ONECUT3: variants seen among roughly 807,000 people sequenced by gnomAD.
ONECUT3 encodes the protein one cut domain family member 3.
A neutral mutation model predicts 16.8 loss-of-function variants in ONECUT3; 11 were observed. The observed-to-expected ratio is 0.66, with a 90% CI of 0.41 to 1.09. The LOEUF is 1.09. Ranked by LOEUF, ONECUT3 falls within the 50% of genes least tolerant of loss-of-function variation. ONECUT3 has a pLI of 0.00. For synonymous variants in ONECUT3, 344 were observed against 310.7 expected, an observed-to-expected ratio of 1.11 and a Z score of -1.13; for missense variants, 637 against 629.9, an observed-to-expected ratio of 1.01 and a Z score of -0.12.
At chr19:1,763,713 C>A (rs1410136344) in intron 1 of ONECUT3, among the ~76,000 whole-genome samples, 1 of 146,780 alleles carries the variant, frequency 6.8e-6, no homozygotes, top group African/African-American at 2.5e-5. Context: ...GGGATAAATT[C>A]TTTTTATTTC....
Position 1,777,271 on chromosome 19 carries a change from AC to A in ONECUT3, c.*1833del. 2 of 150,300 alleles carry A rather than the reference AC, an allele frequency of 1.3e-5. No individual in the cohort carries two copies. Among genetic ancestry groups the A allele is most frequent in the Non-Finnish European group, 3.0e-5 (2 of 67,314 alleles). 9.3% of individuals were successfully genotyped at this position (150,300 alleles called of 1,614,324 possible). On this transcript the variant is annotated 3_prime_UTR_variant, in exon 2 of 2. Transcript: ENST00000382349. ...TTCCTGCTCAGCACCGCACCTCTCTACCCCCCCACAGACACACATGCAGACA... is the reference window on the plus strand; with the variant it reads ...TTCCTGCTCAGCACCGCACCTCTCTACCCCCCACAGACACACATGCAGACA...
At chr19:1,767,169 G>A (rs1443921335) in intron 1 of ONECUT3, among the ~76,000 whole-genome samples, 7 of 152,160 alleles carry the variant, frequency 4.6e-5, no homozygotes, top group Admixed American at 4.6e-4. Context: ...CCTTCCTTGA[G>A]GGAGGGGGAA....
rs1250378189 is a variant in ONECUT3 at position 1,777,397 on chromosome 19, G to GGCACACAT, written c.*1964_*1971dup. 2 of 151,486 alleles carry GGCACACAT rather than the reference G, an allele frequency of 1.3e-5. No homozygotes were observed. Among genetic ancestry groups the GGCACACAT allele is most frequent in the African/African-American group, 4.9e-5 (2 of 40,750 alleles). 9.4% of individuals were successfully genotyped at this position (151,486 alleles called of 1,614,324 possible). ...ACATGCAGAGACATGCAGACACGCA[G>GGCACACAT]GCACACATGCACACATGCAAAGACA... On this transcript the variant is annotated 3_prime_UTR_variant, in exon 2 of 2. Transcript: ENST00000382349.
chr19:1,772,505 ACT>A (rs994396368), intron 1 of ONECUT3, among the ~76,000 whole-genome samples: 32 of 149,886 alleles, frequency 2.1e-4, no homozygotes, highest in Non-Finnish European at 3.9e-4. Flanking sequence ...TAAACTGGAA[ACT>A]CATCTTTCAA....
rs977377263 is a variant in ONECUT3, at chr19:1,766,727, G to T, written c.1193-8426G>T. Reference sequence around the variant, plus strand: ...TACTGGCTTCCTGCTGAGGGCACTCGGGGAGCCCCACTGTCCCACCCGGCG... The same window carrying T: ...TACTGGCTTCCTGCTGAGGGCACTCTGGGAGCCCCACTGTCCCACCCGGCG... On this transcript the variant is annotated intron_variant, in intron 1 of 1. Transcript: ENST00000382349. The surrounding 1 kb of genome is among the most constrained non-coding windows in gnomAD (Gnocchi z 4.0). 6.6e-6 allele frequency among the ~76,000 whole-genome samples: 1 copy of T among 151,974 alleles called. No homozygotes were observed. Among genetic ancestry groups the T allele is most frequent in the African/African-American group, 2.4e-5 (1 of 41,382 alleles).
Position 1,766,526 on chromosome 19 carries a change from G to A in ONECUT3, c.1193-8627G>A, listed in dbSNP as rs1409819455. Among the ~76,000 whole-genome samples, 1 of 151,504 alleles carries A rather than the reference G, an allele frequency of 6.6e-6. No individual in the cohort carries two copies. Among genetic ancestry groups the A allele is most frequent in the Non-Finnish European group, 1.5e-5 (1 of 67,830 alleles). On this transcript the variant is annotated intron_variant, in intron 1 of 1. Coordinates refer to ENST00000382349, the MANE Select transcript of ONECUT3 (RefSeq NM_001080488.2). This position sits in a 1 kb window ranked among gnomAD's most constrained non-coding sequence, Gnocchi z 4.0. ...GAGGGGAGGGAGGTAAAGAGAGGGA[G>A]GGAAGGAAAGGGAGGAAAAGAAAAG...
In ONECUT3 at chr19:1,764,827, C is replaced by CA. The variant is rs573109273; in HGVS notation, c.1192+9974dup. Among the ~76,000 whole-genome samples the CA allele has an allele frequency of 3.4e-5, 5 of 146,494 alleles. No individual in the cohort carries two copies. In the South Asian group the frequency reaches 1.1e-3, roughly 32 times the overall value. On this transcript the variant is annotated intron_variant, in intron 1 of 1. Transcript: ENST00000382349. This position sits in a 1 kb window ranked among gnomAD's most constrained non-coding sequence, Gnocchi z 5.0. ...GGGGGGATGCGCAGGGGGGACAAGACACCAGCATGGGGGTGGGGGGCATCA... is the reference window on the plus strand; with the variant it reads ...GGGGGGATGCGCAGGGGGGACAAGACAACCAGCATGGGGGTGGGGGGCATCA...
rs964331169 is a variant in ONECUT3 at position 1,775,685 on chromosome 19, C to G, written c.*240C>G. On this transcript the variant is annotated 3_prime_UTR_variant, in exon 2 of 2. Transcript: ENST00000382349. Reference sequence around the variant, plus strand: ...CCAGGCCAAAGGAAGCCCTCCACCCCCCCCCGGAGGGGAGGGAGTGACAGA... The same window carrying G: ...CCAGGCCAAAGGAAGCCCTCCACCCGCCCCCGGAGGGGAGGGAGTGACAGA... The G allele has an allele frequency of 1.2e-4, 48 of 392,244 alleles. No individual in the cohort carries two copies. Among genetic ancestry groups the G allele is most frequent in the Admixed American group, 4.7e-4 (10 of 21,470 alleles). 24.3% of individuals were successfully genotyped at this position (392,244 alleles called of 1,614,324 possible).
chr19:1,775,126 G>GGCCCCCCCCCCCCCCCCCCC, intron 1 of ONECUT3, 27 bp from the exon 2 acceptor site: 5 of 1,143,876 alleles, frequency 4.4e-6, no homozygotes, highest in East Asian at 2.9e-5. Flanking sequence ...TGTCCCGCTC[G>GGCCCCCCCCCCCCCCCCCCC]CCCGCCCGCC....
chr19:1,757,070 G>GGGGCC (rs1363658070), intron 1 of ONECUT3, among the ~76,000 whole-genome samples: 1 of 151,740 alleles, frequency 6.6e-6, no homozygotes, highest in Non-Finnish European at 1.5e-5. Context: ...TGCAGATTTG[G>GGGGCC]GGGCCACAGA....
chr19:1,754,368 G>A lies in ONECUT3; in HGVS notation c.706G>A (p.Gly236Arg). The part of the protein sequence containing the change: ...AAYGPPGHLA[G>R]DKLLPPAAFE... ...CTACGGCCCGCCAGGCCACCTGGCT[G>A]GGGACAAGCTGCTGCCGCCCGCCGC... The change falls in exon 1 of 2, where the codon GGG becomes AGG. Residue 236 changes from glycine (G) to arginine (R), a missense_variant. Around this residue, in one of 3 missense-constraint regions of ONECUT3, gnomAD observed 419 missense variants for 377.9 expected, o/e 1.11. Transcript: ENST00000382349. The surrounding 1 kb of genome is among the most constrained non-coding windows in gnomAD (Gnocchi z 7.4). 1 of 1,100,674 alleles carries A rather than the reference G, an allele frequency of 9.1e-7. No individual in the cohort carries two copies. The highest frequency in any genetic ancestry group is 1.1e-6 in the Non-Finnish European group (1 of 897,478). The allele number at this position is 1,100,674 out of a possible 1,614,324, so 68.2% of individuals were successfully genotyped here.
chr19:1,774,024 A>T (rs2068081896), intron 1 of ONECUT3, among the ~76,000 whole-genome samples: 2 of 152,106 alleles, frequency 1.3e-5, no homozygotes, highest in Admixed American at 1.3e-4. Context: ...GCTGACCAAG[A>T]GGAAGGGTGA....
At chr19:1,765,763 C>T (rs1485311202) in intron 1 of ONECUT3, among the ~76,000 whole-genome samples, 4 of 152,188 alleles carry the variant, frequency 2.6e-5, no homozygotes, top group African/African-American at 4.8e-5. Flanking sequence ...GGCCAGGGTG[C>T]GCGTTCAAGG....
At chr19:1,757,376 G>C (rs1344928743) in intron 1 of ONECUT3, among the ~76,000 whole-genome samples, 1 of 152,266 alleles carries the variant, frequency 6.6e-6, no homozygotes, top group Non-Finnish European at 1.5e-5. Context: ...TCAGCTCTGG[G>C]AGTCTGGGTT....
chr19:1,765,902 G>A lies in ONECUT3; in HGVS notation c.1193-9251G>A, dbSNP rs545400765. On this transcript the variant is annotated intron_variant, in intron 1 of 1. Coordinates refer to ENST00000382349, the MANE Select transcript of ONECUT3 (RefSeq NM_001080488.2). ...CGTAACCCACACCGCAGGCTTCTGC[G>A]GGGTGACACCCAGACTCACCCCAAG... Among the ~76,000 whole-genome samples the A allele has an allele frequency of 3.4e-4, 52 of 152,282 alleles. 1 individual carries two copies. The South Asian group carries it at 0.01, about 30-fold the overall frequency.
chr19:1,760,355 G>A (rs2067940077), intron 1 of ONECUT3, among the ~76,000 whole-genome samples: 2 of 150,710 alleles, frequency 1.3e-5, no homozygotes, highest in South Asian at 2.1e-4. Flanking sequence ...AGCATTCCAG[G>A]AAGGTGACGC....
At position 1,779,169 on chromosome 19, in the gene ONECUT3, G is replaced by A. The variant is rs967817826; in HGVS notation, c.*3724G>A. 1 of 152,128 alleles carries A rather than the reference G, an allele frequency of 6.6e-6. No individual in the cohort carries two copies. The highest frequency in any genetic ancestry group is 6.6e-5 in the Admixed American group (1 of 15,264). 9.4% of individuals were successfully genotyped at this position (152,128 alleles called of 1,614,324 possible). On this transcript the variant is annotated 3_prime_UTR_variant, in exon 2 of 2. Coordinates refer to ENST00000382349, the MANE Select transcript of ONECUT3 (RefSeq NM_001080488.2). ...TTATGTGATTAAAAAAAAATCCTTA[G>A]CTAGTTTTTGGAATACGTGACTTGA...
At position 1,776,644 on chromosome 19, in the gene ONECUT3, CCG is replaced by C; in HGVS notation, c.*1201_*1202del. ...CCCCCCTCCCACCCCGCGCTCTCCC[CCG>C]CTCCTCTCATCTGGTCTGGGTGACC... On this transcript the variant is annotated 3_prime_UTR_variant, in exon 2 of 2. Coordinates refer to ENST00000382349, the MANE Select transcript of ONECUT3 (RefSeq NM_001080488.2). The surrounding 1 kb of genome is among the most constrained non-coding windows in gnomAD (Gnocchi z 4.9). 1 of 151,188 alleles carries C rather than the reference CCG, an allele frequency of 6.6e-6. No homozygotes were observed. Among genetic ancestry groups the C allele is most frequent in the East Asian group, 1.9e-4 (1 of 5,152 alleles). 9.4% of individuals were successfully genotyped at this position (151,188 alleles called of 1,614,324 possible). A position where few individuals can be genotyped will look rare whatever the true frequency, so the allele number is the denominator to read the frequency against.
Position 1,775,298 on chromosome 19 carries a change from C to A in ONECUT3, c.1338C>A (p.Thr446=). Residue 446 remains threonine, a synonymous_variant, in exon 2 of 2, where the codon ACC becomes ACA. Transcript: ENST00000382349. ...NKRPSKEMQV[T]ISQQLGLELN... is the part of the protein sequence containing the mutation. The stretch of plus-strand genomic sequence containing the variant: ...GGCCGTCCAAGGAGATGCAGGTCAC[C>A]ATCTCGCAGCAGCTCGGCTTGGAGC... The A allele has an allele frequency of 6.2e-7, 1 of 1,604,850 alleles. No individual in the cohort carries two copies. The highest frequency in any genetic ancestry group is 8.5e-7 in the Non-Finnish European group (1 of 1,175,606).
Sources: allele counts gnomAD v4.1 joint callset (sites outside exome capture counted in the v4.1 genomes callset), GRCh38; gene constraint gnomAD v4.1.1; regional missense constraint gnomAD v4.1.1; non-coding constraint Gnocchi (gnomAD v3.1); transcripts MANE v1.5; gene names NCBI Gene and HGNC (gene_info 2026-07-23, HGNC 2026-07-21).